Variants in COG2 observed in about 807,000 individuals in gnomAD.
COG2 encodes component of oligomeric golgi complex 2.
Under a neutral mutation model 90.6 loss-of-function variants are expected in COG2, and 52 were observed. The ratio of observed to expected loss-of-function variants is 0.57; its 90% CI spans 0.46 to 0.72. The LOEUF is 0.72. Ranked by LOEUF, COG2 falls within the 30% of genes least tolerant of loss-of-function variation. The probability of loss-of-function intolerance (pLI) is 0.00; values close to 1 mark genes in which losing one functional copy is unlikely to be tolerated. For missense variants in COG2, 829 were observed against 891.2 expected (o/e 0.93, Z 0.89); for synonymous variants, 337 against 320.4 (o/e 1.05, Z -0.55).
Position 230,658,765 on chromosome 1 carries a change from T to G in COG2, c.73-699T>G, listed in dbSNP as rs1662119247. On this transcript the variant is annotated intron_variant, in intron 1 of 17. Transcript: ENST00000366669. ...AGATGCCCTGCCCAGAGAGGAGAAA[T>G]CTGGTAGTCTGGCCACAGCGGCCTT... is the stretch of plus-strand genomic sequence containing the variant. Among the ~76,000 whole-genome samples, 4 of 152,074 alleles carry G rather than the reference T, an allele frequency of 2.6e-5. No individual in the cohort carries two copies. The South Asian group carries it at 8.3e-4, about 32-fold the overall frequency.
intron 8 of COG2, among the ~76,000 whole-genome samples, chr1:230,673,310 A>G (rs1662501909): frequency 1.3e-5 from 2 of 152,260 alleles, no homozygotes; most frequent in Middle Eastern, 3.4e-3. Context: ...CTAGCCTGTC[A>G]CTGTGTTGCA....
chr1:230,642,976 A>T (rs937270745), intron 1 of COG2: 8 of 370,794 alleles, frequency 2.2e-5, no homozygotes, highest in Admixed American at 9.5e-5. Context: ...CATGCAGTGC[A>T]GTCAGATTGC....
chr1:230,664,245 A>T (rs1558271815), intron 4 of COG2, among the ~76,000 whole-genome samples: 1 of 152,060 alleles, frequency 6.6e-6, no homozygotes, highest in Non-Finnish European at 1.5e-5. Flanking sequence ...AACCAAAAAA[A>T]AAAAGTTTTT....
intron 9 of COG2, 148 bp from the exon 10 acceptor site, chr1:230,678,765 G>T (rs754878341): frequency 6.5e-7 from 1 of 1,537,232 alleles, no homozygotes; most frequent in Non-Finnish European, 8.7e-7. Flanking sequence ...GGGGACATTG[G>T]AAGAAAGATC....
chr1:230,643,678 A>G (rs189150662), intron 1 of COG2, among the ~76,000 whole-genome samples: 1 of 152,078 alleles, frequency 6.6e-6, no homozygotes. Flanking sequence ...GTAGATCTGT[A>G]TCTTCTCCAG....
At chr1:230,662,705 C>A (rs1006512619) in intron 3 of COG2, among the ~76,000 whole-genome samples, 9 of 152,106 alleles carry the variant, frequency 5.9e-5, no homozygotes, top group African/African-American at 2.2e-4. Context: ...CCTGCAGTAC[C>A]CCCGGATGTA....
intron 1 of COG2, among the ~76,000 whole-genome samples, chr1:230,652,940 G>T (rs1196258550): frequency 1.3e-5 from 2 of 152,116 alleles, no homozygotes; most frequent in African/African-American, 4.8e-5. Flanking sequence ...TATACATTGT[G>T]AAATAATTAC....
At chr1:230,649,554 C>G (rs1264585323) in intron 1 of COG2, among the ~76,000 whole-genome samples, 1 of 152,118 alleles carries the variant, frequency 6.6e-6, no homozygotes, top group Non-Finnish European at 1.5e-5. Context: ...TACCACTATT[C>G]ATAATGTTTG....
chr1:230,686,669 T>C (rs1340439230), intron 12 of COG2, among the ~76,000 whole-genome samples: 1 of 152,218 alleles, frequency 6.6e-6, no homozygotes, highest in Non-Finnish European at 1.5e-5. Flanking sequence ...GGGCACTTTA[T>C]TTTTCACGTT....
chr1:230,691,638 T>C (rs1315653761), intron 17 of COG2, 74 bp downstream of exon 17: 2 of 1,379,184 alleles, frequency 1.5e-6, no homozygotes, highest in African/African-American at 2.9e-5. Flanking sequence ...ACTTGGTGGC[T>C]CGCGTGATCC....
intron 10 of COG2, chr1:230,681,420 T>G (rs1662745379): frequency 6.6e-6 from 1 of 152,230 alleles, no homozygotes; most frequent in Non-Finnish European, 1.5e-5. Flanking sequence ...CCCTTTCCTG[T>G]TCCTGCACTC....
At chr1:230,671,708 CACGAT>C in intron 8 of COG2, 68 bp downstream of exon 8, 1 of 1,444,182 alleles carries the variant, frequency 6.9e-7, no homozygotes, top group Non-Finnish European at 9.6e-7. Flanking sequence ...ATTGCAGGTG[CACGAT>C]GGACGATGAC....
At chr1:230,664,408 C>T in intron 4 of COG2, 76 bp from the exon 5 acceptor site, 2 of 553,238 alleles carry the variant, frequency 3.6e-6, no homozygotes, top group East Asian at 6.7e-5. Context: ...TTGTATTTTC[C>T]TGTACTTAGG....
intron 9 of COG2, among the ~76,000 whole-genome samples, chr1:230,677,332 T>A (rs1043303063): frequency 2.6e-5 from 4 of 152,206 alleles, no homozygotes; most frequent in Admixed American, 2.6e-4. Context: ...GTTTATTAAT[T>A]TTTTAAGTGT....
chr1:230,687,017 C>T lies in COG2; in HGVS notation c.1463C>T (p.Thr488Ile). Reference protein sequence around the residue: ...LVTGSKEPSITQGNTEDQGSG... With the variant: ...LVTGSKEPSIIQGNTEDQGSG... ...ACTGGTAGCAAAGAACCTTCCATCACCCAAGGAAACACTGAAGACCAAGGA... is the reference window on the plus strand; with the variant it reads ...ACTGGTAGCAAAGAACCTTCCATCATCCAAGGAAACACTGAAGACCAAGGA... The change falls in exon 13 of 18, where the codon ACC becomes ATC. Residue 488 changes from threonine to isoleucine, a missense_variant. Thr to Ile is a moderately conservative substitution (Grantham distance 89). Coordinates refer to ENST00000366669, the MANE Select transcript of COG2 (RefSeq NM_007357.3). 1 of 1,611,368 alleles carries T rather than the reference C, an allele frequency of 6.2e-7. No individual in the cohort carries two copies. The highest frequency in any genetic ancestry group is 8.5e-7 in the Non-Finnish European group (1 of 1,178,400).
At chr1:230,679,655 C>G (rs1662686693) in intron 10 of COG2, 1 of 152,152 alleles carries the variant, frequency 6.6e-6, no homozygotes, top group Non-Finnish European at 1.5e-5. Context: ...TGTCAATAAG[C>G]CATTCTATAA....
At chr1:230,654,120 A>C (rs190130104) in intron 1 of COG2, among the ~76,000 whole-genome samples, 33 of 152,276 alleles carry the variant, frequency 2.2e-4, no homozygotes, top group African/African-American at 7.5e-4. Flanking sequence ...TCTTTAGTTT[A>C]ATTAGATTCC....
At chr1:230,651,767 C>A (rs1371240431) in intron 1 of COG2, among the ~76,000 whole-genome samples, 1 of 152,084 alleles carries the variant, frequency 6.6e-6, no homozygotes, top group Non-Finnish European at 1.5e-5. Flanking sequence ...AAAAATATTG[C>A]TTTTTAACTA....
intron 1 of COG2, among the ~76,000 whole-genome samples, chr1:230,643,913 C>T (rs1252939734): frequency 1.3e-5 from 2 of 152,160 alleles, no homozygotes; most frequent in Non-Finnish European, 2.9e-5. Flanking sequence ...GCTAAGGGTA[C>T]ATGCTGGGGA....
Sources: gnomAD v4.1 joint callset for allele counts (sites outside exome capture counted in the v4.1 genomes callset) on GRCh38, gnomAD v4.1.1 for gene constraint, MANE v1.5 for transcripts, NCBI Gene and HGNC (gene_info 2026-07-23, HGNC 2026-07-21) for gene names.